Variants in KLHL1 observed in about 807,000 individuals in gnomAD.
KLHL1 encodes kelch like family member 1.
KLHL1 carries 47 observed loss-of-function variants against 77.7 expected under a neutral mutation model. The observed-to-expected ratio is 0.60, with a 90% CI of 0.48 to 0.77. KLHL1 has a LOEUF of 0.77. Ranked by LOEUF, KLHL1 falls within the 30% of genes least tolerant of loss-of-function variation. KLHL1 has a pLI of 0.00. For missense variants in KLHL1, 925 were observed against 910.8 expected (o/e 1.02, Z -0.20); for synonymous variants, 360 against 325.2 (o/e 1.11, Z -1.15).
At chr13:70,083,026 T>G (rs1887434251) in intron 1 of KLHL1, among the ~76,000 whole-genome samples, 1 of 151,798 alleles carries the variant, frequency 6.6e-6, no homozygotes, top group Non-Finnish European at 1.5e-5. Context: ...ATAAAAGATA[T>G]TAAACAGTGT....
At chr13:70,094,531 T>A (rs1450852844) in intron 1 of KLHL1, among the ~76,000 whole-genome samples, 1 of 151,780 alleles carries the variant, frequency 6.6e-6, no homozygotes, top group African/African-American at 2.4e-5. Context: ...AATAAAAAAT[T>A]CCTATTCTTT....
chr13:70,099,565 C>T (rs918830711), intron 1 of KLHL1, among the ~76,000 whole-genome samples: 1 of 151,722 alleles, frequency 6.6e-6, no homozygotes, highest in South Asian at 2.1e-4. Context: ...AAGTATTTGG[C>T]CCCAACATAT....
chr13:70,029,585 A>G (rs914184657), intron 1 of KLHL1, among the ~76,000 whole-genome samples: 1 of 152,178 alleles, frequency 6.6e-6, no homozygotes, highest in East Asian at 1.9e-4. Context: ...GCCTGCCCTA[A>G]AAGAGCTCAT....
At chr13:69,788,238 A>C (rs927525350) in intron 7 of KLHL1, among the ~76,000 whole-genome samples, 1 of 152,246 alleles carries the variant, frequency 6.6e-6, no homozygotes, top group African/African-American at 2.4e-5. Context: ...ACTATTCACA[A>C]TAGCAAAGAC....
At chr13:69,818,713 T>C (rs1878223752) in intron 6 of KLHL1, among the ~76,000 whole-genome samples, 1 of 152,124 alleles carries the variant, frequency 6.6e-6, no homozygotes, top group Non-Finnish European at 1.5e-5. Context: ...ATTTTATTCA[T>C]AGTTTTGAGT....
At chr13:69,803,231 A>G (rs1877468451) in intron 6 of KLHL1, among the ~76,000 whole-genome samples, 1 of 152,180 alleles carries the variant, frequency 6.6e-6, no homozygotes, top group African/African-American at 2.4e-5. Flanking sequence ...TAAGAGCTTT[A>G]CCTACATTAC....
chr13:70,075,588 T>C (rs868761176), intron 1 of KLHL1, among the ~76,000 whole-genome samples: 1 of 122,008 alleles, frequency 8.2e-6, no homozygotes, highest in Non-Finnish European at 1.7e-5. Flanking sequence ...TATATATATA[T>C]ACACACACAC....
chr13:69,946,176 G>C (rs1033109493), intron 3 of KLHL1, among the ~76,000 whole-genome samples: 1 of 152,076 alleles, frequency 6.6e-6, no homozygotes, highest in African/African-American at 2.4e-5. Flanking sequence ...TTATGTACTA[G>C]GTGGGGATAA....
chr13:69,755,242 C>T (rs1235829013), intron 7 of KLHL1, among the ~76,000 whole-genome samples: 2 of 151,750 alleles, frequency 1.3e-5, no homozygotes, highest in African/African-American at 4.8e-5. Flanking sequence ...CTCTTGATCC[C>T]ACTCTTGCCA....
At position 70,107,638 on chromosome 13, in the gene KLHL1, A is replaced by G. The variant is rs1888105693; in HGVS notation, c.62T>C (p.Leu21Pro). Residue 21 changes from leucine to proline, a missense_variant, in exon 1 of 11, where the codon CTC becomes CCC. Coordinates refer to ENST00000377844, the MANE Select transcript of KLHL1 (RefSeq NM_020866.3). ...VKHILRLRWK[L>P]FSHPSPSTGG... ...GGTGGAAGGAGACGGGTGGCTGAAG[A>G]GTTTCCAGCGGAGTCGCAGAATGTG... The G allele has an allele frequency of 1.9e-6, 3 of 1,562,002 alleles. No homozygotes were observed. Among genetic ancestry groups the G allele is most frequent in the East Asian group, 2.2e-5 (1 of 44,628 alleles).
chr13:69,944,343 G>C (rs1253763102), intron 3 of KLHL1, among the ~76,000 whole-genome samples: 1 of 152,154 alleles, frequency 6.6e-6, no homozygotes, highest in East Asian at 1.9e-4. Context: ...TCTTCAGTGG[G>C]ACTCCACTGG....
intron 5 of KLHL1, among the ~76,000 whole-genome samples, chr13:69,845,754 A>G (rs899113013): frequency 7.9e-5 from 12 of 151,544 alleles, no homozygotes; most frequent in African/African-American, 2.9e-4. Flanking sequence ...AATGAACAAA[A>G]TATCTTGAAA....
intron 1 of KLHL1, among the ~76,000 whole-genome samples, chr13:70,034,939 A>G (rs566443713): frequency 5.3e-4 from 81 of 152,302 alleles, no homozygotes; most frequent in Middle Eastern, 6.8e-3. Context: ...AAATGAAAAG[A>G]GTGTCCTTCA....
At chr13:69,908,331 A>T (rs1465524220) in intron 4 of KLHL1, among the ~76,000 whole-genome samples, 1 of 151,832 alleles carries the variant, frequency 6.6e-6, no homozygotes, top group Admixed American at 6.6e-5. Flanking sequence ...TGCAGATTAA[A>T]GTGTAAGTTT....
At position 69,887,129 on chromosome 13, in the gene KLHL1, A is replaced by G. The variant is rs537463153; in HGVS notation, c.1015-4634T>C. On this transcript the variant is annotated intron_variant, in intron 4 of 10. Coordinates refer to ENST00000377844, the MANE Select transcript of KLHL1 (RefSeq NM_020866.3). ...TGGGTCTAAGATTTTAAAATTTCTA[A>G]TTCCTTAAGCGTCCTTTGCAAGCAA... Among the ~76,000 whole-genome samples, 62 of 152,284 alleles carry G rather than the reference A, an allele frequency of 4.1e-4. 1 individual carries two copies. In the South Asian group the frequency reaches 7.3e-3, roughly 18 times the overall value.
At chr13:69,795,332 A>G (rs1029868684) in intron 7 of KLHL1, among the ~76,000 whole-genome samples, 2 of 152,184 alleles carry the variant, frequency 1.3e-5, no homozygotes, top group Admixed American at 1.3e-4. Flanking sequence ...TGCAAAATAC[A>G]GTGCTGGGAA....
intron 7 of KLHL1, among the ~76,000 whole-genome samples, chr13:69,755,059 T>C (rs374914247): frequency 6.6e-6 from 1 of 152,098 alleles, no homozygotes; most frequent in African/African-American, 2.4e-5. Flanking sequence ...CCAAATCTTA[T>C]GTTGAAATGT....
intron 6 of KLHL1, among the ~76,000 whole-genome samples, chr13:69,801,181 G>T (rs1054947142): frequency 1.3e-5 from 2 of 152,048 alleles, no homozygotes; most frequent in Non-Finnish European, 2.9e-5. Flanking sequence ...ACAGAGTCCT[G>T]ACCACTTTTG....
intron 4 of KLHL1, among the ~76,000 whole-genome samples, chr13:69,884,578 G>A (rs1881123909): frequency 6.6e-6 from 1 of 152,068 alleles, no homozygotes; most frequent in South Asian, 2.1e-4. Context: ...AATATAGTGA[G>A]GGATGTCATA....
Sources: gnomAD v4.1 joint callset for allele counts (sites outside exome capture counted in the v4.1 genomes callset) on GRCh38, gnomAD v4.1.1 for gene constraint, MANE v1.5 for transcripts, NCBI Gene and HGNC (gene_info 2026-07-23, HGNC 2026-07-21) for gene names.